Variants in MRPL39 observed in about 807,000 individuals in gnomAD.
The protein encoded by MRPL39 is mitochondrial ribosomal protein L39.
A neutral mutation model predicts 44.5 loss-of-function variants in MRPL39; 35 were observed. The observed-to-expected ratio is 0.79, with a 90% confidence interval of 0.60 to 1.04. The LOEUF is 1.04. Among genes scored for constraint, MRPL39 ranks in the 50% least tolerant of loss-of-function variants. The pLI, the probability that MRPL39 is intolerant of heterozygous loss-of-function variation, is 0.00. For missense variants in MRPL39, 433 were observed against 413.5 expected (o/e 1.05, Z -0.41); for synonymous variants, 139 against 136.1 (o/e 1.02, Z -0.15).
intron 3 of MRPL39, among the ~76,000 whole-genome samples, chr21:25,603,207 CT>C (rs1442173647): frequency 6.6e-6 from 1 of 152,062 alleles, no homozygotes; most frequent in Admixed American, 6.5e-5. Context: ...TGACCAAGTA[CT>C]CTAAAGAGGC....
chr21:25,601,499 T>C (rs749815148), intron 3 of MRPL39, 32 bp from the exon 4 acceptor site: 10 of 1,368,022 alleles, frequency 7.3e-6, no homozygotes, highest in African/African-American at 4.5e-5. Context: ...ATAAAATATA[T>C]ATAAACACAC....
intron 1 of MRPL39, among the ~76,000 whole-genome samples, chr21:25,607,180 G>A (rs886410935): frequency 6.6e-6 from 1 of 152,136 alleles, no homozygotes. Context: ...GCCTGGCTCC[G>A]ACCCCTGGCC....
chr21:25,592,936 C>A lies in MRPL39; in HGVS notation c.797G>T (p.Gly266Val). Residue 266 changes from glycine (G) to valine (V), a missense_variant, in exon 8 of 10, where the codon GGC (glycine) becomes GTC (valine). Transcript: ENST00000352957. Reference protein sequence around the residue: ...RIGDFIDVSEGPLIPRTSICF... With the variant: ...RIGDFIDVSEVPLIPRTSICF... ...AATACTTGTTCTTGGAATAAGAGGG[C>A]CCTCACTCACATCAATGAAGTCACC... 6.2e-7 allele frequency: 1 copy of A among 1,612,478 alleles called. No individual in the cohort carries two copies. The highest frequency in any genetic ancestry group is 8.5e-7 in the Non-Finnish European group (1 of 1,179,170).
chr21:25,597,398 A>C lies in MRPL39; in HGVS notation c.605T>G (p.Phe202Cys), dbSNP rs1471494436. The C allele has an allele frequency of 8.3e-6, 13 of 1,561,476 alleles. No individual in the cohort carries two copies. Among genetic ancestry groups the C allele is most frequent in the Non-Finnish European group, 1.1e-5 (13 of 1,139,692 alleles). Residue 202 changes from phenylalanine to cysteine, a missense_variant, in exon 6 of 10, where the codon TTC becomes TGC. Coordinates refer to ENST00000352957, the MANE Select transcript of MRPL39 (RefSeq NM_017446.4). ...AATTAAAGCATGAGCATCTTTTGTG[A>C]AGGAACGTAAGTTCTCCTTAAAAAT... The part of the protein sequence containing the change: ...WMPTKENLRS[F>C]TKDAHALIYK...
chr21:25,601,851 A>G (rs2829831), intron 3 of MRPL39, among the ~76,000 whole-genome samples: 12,733 of 152,302 alleles, frequency 0.084, 1,325 homozygotes, highest in African/African-American at 0.23. Context: ...ATTTATAAAT[A>G]TGGAGAAAAA....
Position 25,607,302 on chromosome 21 carries a change from C to T in MRPL39, c.73+101G>A, listed in dbSNP as rs1407233245. On this transcript the variant is annotated intron_variant, in intron 1 of 9. Coordinates refer to ENST00000352957, the MANE Select transcript of MRPL39 (RefSeq NM_017446.4). ...GAGGGACTAAGAAACCCTCCTCCTT[C>T]CTCTGCCCCGCGGGACCTCCCCGGC... 7.4e-5 allele frequency: 97 copies of T among 1,312,542 alleles called. 1 individual carries two copies. The highest frequency in any genetic ancestry group is 1.1e-6 in the Non-Finnish European group (1 of 919,094). 81.3% of individuals were successfully genotyped at this position (1,312,542 alleles called of 1,614,324 possible). A position where few individuals can be genotyped will look rare whatever the true frequency, so the allele number is the denominator to read the frequency against.
At chr21:25,600,936 T>C (rs529538613) in intron 4 of MRPL39, among the ~76,000 whole-genome samples, 2 of 152,194 alleles carry the variant, frequency 1.3e-5, no homozygotes, top group Admixed American at 1.3e-4. Flanking sequence ...TGAAACCCCG[T>C]CTCTACTAAA....
chr21:25,586,422 C>T (rs1321408165), intron 9 of MRPL39, among the ~76,000 whole-genome samples: 2 of 152,144 alleles, frequency 1.3e-5, no homozygotes, highest in Non-Finnish European at 2.9e-5. Context: ...CTCTTCTATC[C>T]CCCTAACAGA....
intron 1 of MRPL39, 137 bp from the exon 2 acceptor site, chr21:25,606,792 T>G (rs778726954): frequency 4.6e-6 from 3 of 649,296 alleles, no homozygotes; most frequent in Non-Finnish European, 7.8e-6. Context: ...CCCAGATACG[T>G]GCCTCTACTT....
At chr21:25,595,720 C>A (rs1415764718) in intron 6 of MRPL39, among the ~76,000 whole-genome samples, 1 of 152,144 alleles carries the variant, frequency 6.6e-6, no homozygotes, top group Admixed American at 6.5e-5. Flanking sequence ...TTAGATGTAT[C>A]ATTTAAATAA....
chr21:25,588,087 G>A (rs188046054), intron 9 of MRPL39, among the ~76,000 whole-genome samples: 30 of 152,236 alleles, frequency 2.0e-4, no homozygotes, highest in Middle Eastern at 6.8e-3. Flanking sequence ...TGAGGGGGGT[G>A]GATCACGAGG....
chr21:25,607,762 A>G (rs1001144227), upstream of MRPL39, among the ~76,000 whole-genome samples: 2 of 151,994 alleles, frequency 1.3e-5, no homozygotes, highest in African/African-American at 4.8e-5. Context: ...TCTGCAGGGA[A>G]ACAGAGTTCC....
chr21:25,594,064 A>G, intron 6 of MRPL39, 106 bp from the exon 7 acceptor site: 1 of 929,392 alleles, frequency 1.1e-6, no homozygotes, highest in South Asian at 1.6e-5. Flanking sequence ...TTCTGAGAGT[A>G]GGTTACACTT....
intron 9 of MRPL39, 117 bp downstream of exon 9, chr21:25,588,718 A>T: frequency 1.1e-6 from 1 of 942,118 alleles, no homozygotes; most frequent in South Asian, 1.6e-5. Flanking sequence ...CTATTGAGAC[A>T]ACTTACTTTT....
intron 6 of MRPL39, among the ~76,000 whole-genome samples, chr21:25,596,365 T>C (rs984636940): frequency 6.6e-5 from 10 of 152,252 alleles, no homozygotes; most frequent in South Asian, 2.1e-4. Context: ...CCCAAAGTGC[T>C]GGGATTACAG....
At chr21:25,593,080 A>G in intron 7 of MRPL39, 115 bp from the exon 8 acceptor site, 7 of 888,170 alleles carry the variant, frequency 7.9e-6, no homozygotes, top group Non-Finnish European at 1.2e-5. Flanking sequence ...AGAACATTAT[A>G]TATGGTTCAA....
chr21:25,601,619 C>T (rs374761321), intron 3 of MRPL39, 152 bp from the exon 4 acceptor site: 2 of 404,850 alleles, frequency 4.9e-6, no homozygotes, highest in East Asian at 9.0e-5. Context: ...GCCATCAGGC[C>T]ATGACGTTAC....
intron 4 of MRPL39, 81 bp from the exon 5 acceptor site, chr21:25,599,947 G>C (rs2031473537): frequency 9.2e-7 from 1 of 1,082,360 alleles, no homozygotes. Context: ...TGAATATTTA[G>C]ACCATAAAAA....
intron 3 of MRPL39, among the ~76,000 whole-genome samples, chr21:25,602,901 C>T (rs1405488638): frequency 6.6e-6 from 1 of 152,142 alleles, no homozygotes; most frequent in Non-Finnish European, 1.5e-5. Flanking sequence ...TCATCTCGAA[C>T]GAAGGAGAGA....
Sources: allele counts gnomAD v4.1 joint callset (sites outside exome capture counted in the v4.1 genomes callset), GRCh38; gene constraint gnomAD v4.1.1; transcripts MANE v1.5; gene names NCBI Gene and HGNC (gene_info 2026-07-23, HGNC 2026-07-21).